Variants in SMARCA2 observed in about 807,000 individuals in gnomAD.
SMARCA2 encodes the protein SWI/SNF-related matrix-associated actin-dependent regulator of chromatin subfamily A member 2.
In SMARCA2, 61 loss-of-function variants were observed where a neutral mutation model predicts 199.8. That is an observed-to-expected ratio of 0.31 (90% CI 0.25 to 0.38). SMARCA2 has a LOEUF of 0.38. Among genes scored for constraint, SMARCA2 ranks in the 10% least tolerant of loss-of-function variants. The pLI is 1.00. For synonymous variants in SMARCA2, 935 were observed against 732.0 expected (o/e 1.28, Z -4.48); for missense variants, 1,344 against 2,012.2 (o/e 0.67, Z 6.35).
intron 29 of SMARCA2, among the ~76,000 whole-genome samples, chr9:2,175,869 GT>G (rs542493209): frequency 4.7e-5 from 7 of 150,132 alleles, no homozygotes; most frequent in Non-Finnish European, 7.4e-5. Context: ...GTTTTTTTGG[GT>G]TTTTTTTGTT....
chr9:2,052,997 G>C (rs7864116), intron 5 of SMARCA2, among the ~76,000 whole-genome samples: 1,676 of 152,268 alleles, frequency 0.011, 43 homozygotes, highest in African/African-American at 0.038. Flanking sequence ...ATTTTAGATT[G>C]AGGGGATTCA....
rs756017570 is a variant in SMARCA2, at chr9:2,084,184, C to T, written c.2514C>T (p.His838=). The change falls in exon 17 of 34, where the codon CAC becomes CAT. Residue 838 remains histidine (H), a synonymous_variant. Coordinates refer to ENST00000349721, the MANE Select transcript of SMARCA2 (RefSeq NM_003070.5). ...ATGAGTATATTATAAAAGACAAGCACATTCTTGCAAAGGTATGTTTTTAAA... is the reference window on the plus strand; with the variant it reads ...ATGAGTATATTATAAAAGACAAGCATATTCTTGCAAAGGTATGTTTTTAAA... ...TTYEYIIKDK[H]ILAKIRWKYM... is the part of the protein sequence containing the mutation. The T allele has an allele frequency of 1.9e-6, 3 of 1,567,820 alleles. No homozygotes were observed. Among genetic ancestry groups the T allele is most frequent in the Non-Finnish European group, 1.8e-6 (2 of 1,138,874 alleles).
chr9:2,073,295 A>G lies in SMARCA2; in HGVS notation c.1830A>G (p.Glu610=), dbSNP rs111606727. 19 of 1,614,218 alleles carry G rather than the reference A, an allele frequency of 1.2e-5. No individual in the cohort carries two copies. The African/African-American group carries it at 1.2e-4, about 10-fold the overall frequency. Residue 610 remains glutamate, a synonymous_variant, in exon 11 of 34, where the codon GAA becomes GAG. Transcript: ENST00000349721. ...CCGGCAAGGTTCTGTTCGGACCAGA[A>G]GCACCCAAAGCAAGTCAGCTGGACG... ...TETGKVLFGP[E]APKASQLDAW...
chr9:2,134,753 T>C (rs1486221282), intron 27 of SMARCA2, among the ~76,000 whole-genome samples: 1 of 152,130 alleles, frequency 6.6e-6, no homozygotes, highest in Non-Finnish European at 1.5e-5. Flanking sequence ...TGGAAGGTTA[T>C]TATATCATGA....
At chr9:2,085,746 C>T (rs1195335541) in intron 17 of SMARCA2, 1 of 152,030 alleles carries the variant, frequency 6.6e-6, no homozygotes, top group Non-Finnish European at 1.5e-5. Flanking sequence ...ATGAGGAAGG[C>T]AAGGACTGTA....
intron 2 of SMARCA2, among the ~76,000 whole-genome samples, chr9:2,030,776 C>G (rs1819029521): frequency 6.6e-6 from 1 of 152,108 alleles, no homozygotes; most frequent in South Asian, 2.1e-4. Flanking sequence ...GTGGAAGATC[C>G]TGGCTTAAAA....
intron 3 of SMARCA2, 169 bp downstream of exon 3, chr9:2,033,250 G>A: frequency 1.6e-6 from 1 of 617,864 alleles, no homozygotes; most frequent in East Asian, 3.0e-5. Context: ...ACAACCTGAT[G>A]ATTTATATGG....
chr9:2,032,391 A>T (rs1819109380), intron 2 of SMARCA2: 2 of 152,324 alleles, frequency 1.3e-5, no homozygotes, highest in South Asian at 4.1e-4. Context: ...CTCCCTCTGT[A>T]GTACAGCTTT....
intron 27 of SMARCA2, chr9:2,158,958 C>G (rs758670199): frequency 2.5e-6 from 4 of 1,612,072 alleles, no homozygotes; most frequent in Admixed American, 1.7e-5. Context: ...TGCATAAAAC[C>G]TTAGTTTGAG....
At chr9:2,138,301 C>T (rs73638393) in intron 27 of SMARCA2, among the ~76,000 whole-genome samples, 2,136 of 152,184 alleles carry the variant, frequency 0.014, 62 homozygotes, top group African/African-American at 0.048. Flanking sequence ...TTTTAGATGG[C>T]TTCCCTTCTT....
chr9:2,065,990 G>A (rs1162639422), intron 9 of SMARCA2, among the ~76,000 whole-genome samples: 1 of 152,184 alleles, frequency 6.6e-6, no homozygotes, highest in Non-Finnish European at 1.5e-5. Flanking sequence ...AACAACCCAA[G>A]TAATTTGCAA....
chr9:2,047,508 G>C (rs749630061), intron 5 of SMARCA2, 24 bp downstream of exon 5: 17 of 1,371,132 alleles, frequency 1.2e-5, no homozygotes, highest in Non-Finnish European at 1.2e-5. Context: ...CCAGCAAGGG[G>C]CCCCCTGCGG....
chr9:2,069,899 G>C (rs769589096), intron 9 of SMARCA2, among the ~76,000 whole-genome samples: 1 of 152,130 alleles, frequency 6.6e-6, no homozygotes. Context: ...GGAGATCATC[G>C]TACCCAATAA....
intron 27 of SMARCA2, chr9:2,157,869 T>A (rs576006873): frequency 2.5e-6 from 1 of 398,558 alleles, no homozygotes; most frequent in East Asian, 3.6e-5. Flanking sequence ...GGACCTGCCG[T>A]CACGCAGTAA....
Position 2,054,598 on chromosome 9 carries a change from C to T in SMARCA2, c.1048C>T (p.Leu350Phe), listed in dbSNP as rs1820268375. ...VEILQEREYR[L>F]QARIAHRIQE... ...TCCCCATTTTATTGTTTCCTTTAGACTTCAGGCCCGCATAGCTCATAGGAT... is the reference window on the plus strand; with the variant it reads ...TCCCCATTTTATTGTTTCCTTTAGATTTCAGGCCCGCATAGCTCATAGGAT... Residue 350 changes from leucine to phenylalanine, a missense_variant and splice_region_variant, in exon 6 of 34, where the codon CTT becomes TTT. By Grantham distance (22) the Leu-to-Phe change is conservative. Coordinates refer to ENST00000349721, the MANE Select transcript of SMARCA2 (RefSeq NM_003070.5). 2 of 1,613,046 alleles carry T rather than the reference C, an allele frequency of 1.2e-6. No homozygotes were observed. The highest frequency in any genetic ancestry group is 1.7e-6 in the Non-Finnish European group (2 of 1,179,424).
intron 6 of SMARCA2, among the ~76,000 whole-genome samples, chr9:2,055,346 A>T (rs144618619): frequency 7.7e-4 from 118 of 152,336 alleles, no homozygotes; most frequent in Non-Finnish European, 1.3e-3. Context: ...CTGATTTCTA[A>T]ATTAGTAAGA....
chr9:2,179,124 T>C (rs1826831779), intron 29 of SMARCA2, among the ~76,000 whole-genome samples: 1 of 152,104 alleles, frequency 6.6e-6, no homozygotes, highest in South Asian at 2.1e-4. Flanking sequence ...GAGAGCTAGG[T>C]CAGGCCTGGA....
At chr9:2,105,206 A>G in intron 23 of SMARCA2, among the ~76,000 whole-genome samples, 1 of 152,102 alleles carries the variant, frequency 6.6e-6, no homozygotes, top group Admixed American at 6.5e-5. Flanking sequence ...TTAATTTTCA[A>G]ATTAATTATA....
At chr9:2,184,894 T>A (rs1008642050) in intron 31 of SMARCA2, among the ~76,000 whole-genome samples, 2 of 152,146 alleles carry the variant, frequency 1.3e-5, no homozygotes, top group Admixed American at 6.6e-5. Context: ...ATACTCATAC[T>A]CACTGCCTAT....
Sources: allele counts gnomAD v4.1 joint callset (sites outside exome capture counted in the v4.1 genomes callset), GRCh38; gene constraint gnomAD v4.1.1; transcripts MANE v1.5; gene names NCBI Gene and HGNC (gene_info 2026-07-23, HGNC 2026-07-21).